The following OR2AG1 variants were observed in gnomAD, a reference collection of about 807,000 sequenced individuals.
The protein encoded by OR2AG1 is olfactory receptor 2AG1.
For missense variants in OR2AG1, 391 were observed against 385.9 expected (o/e 1.01, Z -0.11); for synonymous variants, 157 against 155.6 (o/e 1.01, Z -0.07).
Position 6,785,793 on chromosome 11 carries a change from T to G in OR2AG1, c.756T>G (p.Tyr252Ter), listed in dbSNP as rs1180511169. Reference protein sequence around the residue: ...SSHLTVVGMFYGAATFMYVLP... With the variant: ...SSHLTVVGMF ...ACCTGACTGTGGTTGGGATGTTCTA[T>G]GGAGCTGCCACATTCATGTATGTCT... The change falls in exon 2 of 2, where the codon TAT becomes TAG. Residue 252 changes from tyrosine (Y) to a stop codon, truncating the protein, a stop_gained. Coordinates refer to ENST00000641258, the MANE Select transcript of OR2AG1 (RefSeq NM_001004489.3). LOFTEE classifies it high-confidence loss of function. The G allele has an allele frequency of 6.2e-7, 1 of 1,614,198 alleles. No homozygotes were observed. Among genetic ancestry groups the G allele is most frequent in the Non-Finnish European group, 8.5e-7 (1 of 1,180,014 alleles).
Position 6,789,801 on chromosome 11 carries a change from T to C in OR2AG1, c.*3813T>C, listed in dbSNP as rs1299104342. 4 of 152,266 alleles carry C rather than the reference T, an allele frequency of 2.6e-5. No individual in the cohort carries two copies. Among genetic ancestry groups the C allele is most frequent in the African/African-American group, 9.6e-5 (4 of 41,456 alleles). The allele number at this position is 152,266 out of a possible 1,614,324, so 9.4% of individuals were successfully genotyped here. The stretch of plus-strand genomic sequence containing the variant: ...AAATGGAACCTGTGTACACAATTCA[T>C]GGGAATGTAAAATGGTACAGCCATT... On this transcript the variant is annotated 3_prime_UTR_variant, in exon 2 of 2. Coordinates refer to ENST00000641258, the MANE Select transcript of OR2AG1 (RefSeq NM_001004489.3).
chr11:6,785,971 G>C lies in OR2AG1; in HGVS notation c.934G>C (p.Ala312Pro). The change falls in exon 2 of 2, where the codon GCA becomes CCA. Residue 312 changes from alanine to proline, a missense_variant. Transcript: ENST00000641258. Reference protein sequence around the residue: ...RRVLGKYMLPAHSTL With the variant: ...RRVLGKYMLPPHSTL ...GGTCCTGGGAAAATACATGCTGCCA[G>C]CACACTCCACGCTCTAGGGAAGGAT... 6.2e-7 allele frequency: 1 copy of C among 1,612,782 alleles called. No individual in the cohort carries two copies. Among genetic ancestry groups the C allele is most frequent in the Non-Finnish European group, 8.5e-7 (1 of 1,179,150 alleles).
In OR2AG1 at chr11:6,786,301, G is replaced by C. The variant is rs1847626921; in HGVS notation, c.*313G>C. Reference sequence around the variant, plus strand: ...CCCCTAACCTTCGAAGTTTATATTGGATCAGGGAAAGGAAAAGAACCAGAG... The same window carrying C: ...CCCCTAACCTTCGAAGTTTATATTGCATCAGGGAAAGGAAAAGAACCAGAG... On this transcript the variant is annotated 3_prime_UTR_variant, in exon 2 of 2. Transcript: ENST00000641258. 4.5e-6 allele frequency: 1 copy of C among 220,026 alleles called. No individual in the cohort carries two copies. The highest frequency in any genetic ancestry group is 8.9e-6 in the Non-Finnish European group (1 of 112,306). The allele number at this position is 220,026 out of a possible 1,614,324, so 13.6% of individuals were successfully genotyped here.
rs1847626045 is a variant in OR2AG1 at position 6,786,236 on chromosome 11, G to C, written c.*248G>C. 6 of 399,224 alleles carry C rather than the reference G, an allele frequency of 1.5e-5. No homozygotes were observed. The highest frequency in any genetic ancestry group is 2.0e-5 in the African/African-American group (1 of 49,258). The allele number at this position is 399,224 out of a possible 1,614,324, so 24.7% of individuals were successfully genotyped here. ...TAAAATTTAATCTTTATTTTCCCAG[G>C]AAGGTATTTAGTTAAATGGGTTCCC... is the stretch of plus-strand genomic sequence containing the variant. On this transcript the variant is annotated 3_prime_UTR_variant, in exon 2 of 2. Coordinates refer to ENST00000641258, the MANE Select transcript of OR2AG1 (RefSeq NM_001004489.3).
rs1419193230 is a variant in OR2AG1, at chr11:6,786,049, G to A, written c.*61G>A. On this transcript the variant is annotated 3_prime_UTR_variant, in exon 2 of 2. Coordinates refer to ENST00000641258, the MANE Select transcript of OR2AG1 (RefSeq NM_001004489.3). Reference sequence around the variant, plus strand: ...CTGAGAGTCAAAAGATTCATGTTATGAATCAAATACTAATGGTAAAACCAA... The same window carrying A: ...CTGAGAGTCAAAAGATTCATGTTATAAATCAAATACTAATGGTAAAACCAA... 37 of 1,319,768 alleles carry A rather than the reference G, an allele frequency of 2.8e-5. No homozygotes were observed. Among genetic ancestry groups the A allele is most frequent in the Non-Finnish European group, 3.4e-5 (32 of 942,380 alleles). The allele number at this position is 1,319,768 out of a possible 1,614,324, so 81.8% of individuals were successfully genotyped here. A position where few individuals can be genotyped will look rare whatever the true frequency, so the allele number is the denominator to read the frequency against.
At position 6,789,737 on chromosome 11, in the gene OR2AG1, A is replaced by G. The variant is rs1847669099; in HGVS notation, c.*3749A>G. ...GTTAGTATTATTTTTGAAAACCAAAAAAGTCAAAGCAAAACAAGTGTTGGT... is the reference window on the plus strand; with the variant it reads ...GTTAGTATTATTTTTGAAAACCAAAGAAGTCAAAGCAAAACAAGTGTTGGT... On this transcript the variant is annotated 3_prime_UTR_variant, in exon 2 of 2. Coordinates refer to ENST00000641258, the MANE Select transcript of OR2AG1 (RefSeq NM_001004489.3). The G allele has an allele frequency of 6.5e-6, 1 of 152,728 alleles. No homozygotes were observed. 9.5% of individuals were successfully genotyped at this position (152,728 alleles called of 1,614,324 possible).
rs1008619495 is a variant in OR2AG1 at position 6,790,462 on chromosome 11, G to A, written c.*4474G>A. 6.6e-6 allele frequency: 1 copy of A among 152,104 alleles called. No homozygotes were observed. Among genetic ancestry groups the A allele is most frequent in the Non-Finnish European group, 1.5e-5 (1 of 68,030 alleles). 9.4% of individuals were successfully genotyped at this position (152,104 alleles called of 1,614,324 possible). ...GATTGATATGTTGCTCTGTTAATTA[G>A]CTTGCATGTGGTCATCATTTCACAG... On this transcript the variant is annotated 3_prime_UTR_variant, in exon 2 of 2. Coordinates refer to ENST00000641258, the MANE Select transcript of OR2AG1 (RefSeq NM_001004489.3).
chr11:6,784,020 C>A (rs1191913289), intron 1 of OR2AG1, among the ~76,000 whole-genome samples: 2 of 152,196 alleles, frequency 1.3e-5, no homozygotes, highest in Non-Finnish European at 2.9e-5. Context: ...AGACTCCTGT[C>A]AATCTTAGGC....
Position 6,787,758 on chromosome 11 carries a change from A to G in OR2AG1, c.*1770A>G, listed in dbSNP as rs1305499851. Reference sequence around the variant, plus strand: ...CTCTTGGATGTGTGACTTTTTTTCTATAGAAAATTCCTATGAGTGAAATTA... The same window carrying G: ...CTCTTGGATGTGTGACTTTTTTTCTGTAGAAAATTCCTATGAGTGAAATTA... On this transcript the variant is annotated 3_prime_UTR_variant, in exon 2 of 2. Transcript: ENST00000641258. 2.0e-5 allele frequency: 3 copies of G among 151,784 alleles called. No homozygotes were observed. Among genetic ancestry groups the G allele is most frequent in the Non-Finnish European group, 4.4e-5 (3 of 67,954 alleles). 9.4% of individuals were successfully genotyped at this position (151,784 alleles called of 1,614,324 possible).
In OR2AG1 at chr11:6,790,036, G is replaced by C. The variant is rs1847672655; in HGVS notation, c.*4048G>C. On this transcript the variant is annotated 3_prime_UTR_variant, in exon 2 of 2. Transcript: ENST00000641258. ...CAGACCAATGGATAAAGAAAATGTGGTCTATTTATACAATAGAATATTATT... is the reference window on the plus strand; with the variant it reads ...CAGACCAATGGATAAAGAAAATGTGCTCTATTTATACAATAGAATATTATT... 1 of 152,148 alleles carries C rather than the reference G, an allele frequency of 6.6e-6. No homozygotes were observed. Among genetic ancestry groups the C allele is most frequent in the South Asian group, 2.1e-4 (1 of 4,822 alleles). The allele number at this position is 152,148 out of a possible 1,614,324, so 9.4% of individuals were successfully genotyped here. A position where few individuals can be genotyped will look rare whatever the true frequency, so the allele number is the denominator to read the frequency against.
Position 6,787,968 on chromosome 11 carries a change from C to A in OR2AG1, c.*1980C>A, listed in dbSNP as rs1847645430. 1 of 151,974 alleles carries A rather than the reference C, an allele frequency of 6.6e-6. No homozygotes were observed. The highest frequency in any genetic ancestry group is 2.4e-5 in the African/African-American group (1 of 41,356). 9.4% of individuals were successfully genotyped at this position (151,974 alleles called of 1,614,324 possible). Reference sequence around the variant, plus strand: ...CTAATTGATAAGGTATAAAATTTGCCTATTTTAATTTGCTTAAGTAACTTG... The same window carrying A: ...CTAATTGATAAGGTATAAAATTTGCATATTTTAATTTGCTTAAGTAACTTG... On this transcript the variant is annotated 3_prime_UTR_variant, in exon 2 of 2. Coordinates refer to ENST00000641258, the MANE Select transcript of OR2AG1 (RefSeq NM_001004489.3).
Position 6,785,456 on chromosome 11 carries a change from C to T in OR2AG1, c.419C>T (p.Ala140Val), listed in dbSNP as rs200964888. ...TACATGACCCTCATGAGCTCAAGAG[C>T]CTGCTGGCTCATGGTGGCCACGTCC... Reference protein sequence around the residue: ...LTYMTLMSSRACWLMVATSWI... With the variant: ...LTYMTLMSSRVCWLMVATSWI... The change falls in exon 2 of 2, where the codon GCC becomes GTC. Residue 140 changes from alanine to valine, a missense_variant. By Grantham distance (64) the Ala-to-Val change is moderately conservative (BLOSUM62 0). Coordinates refer to ENST00000641258, the MANE Select transcript of OR2AG1 (RefSeq NM_001004489.3). 4.3e-4 allele frequency: 701 copies of T among 1,614,082 alleles called. 4 individuals carry two copies. The Middle Eastern group carries it at 6.1e-3, about 14-fold the overall frequency.
intron 1 of OR2AG1, among the ~76,000 whole-genome samples, 177 bp from the exon 2 acceptor site, chr11:6,784,841 T>C (rs1157633500): frequency 1.3e-5 from 2 of 152,240 alleles, no homozygotes; most frequent in African/African-American, 2.4e-5. Context: ...GTTCTCCATT[T>C]AGATGGAACT....
Position 6,783,074 on chromosome 11 carries a change from C to T in OR2AG1, c.-418C>T, listed in dbSNP as rs1479452882. On this transcript the variant is annotated 5_prime_UTR_variant, in exon 1 of 2. Coordinates refer to ENST00000641258, the MANE Select transcript of OR2AG1 (RefSeq NM_001004489.3). ...GAAGGAAAGTCTGAGTATCTGAACC[C>T]AAGAACTCAGTCTGGTAACTGCTCT... The T allele has an allele frequency of 6.6e-6, 1 of 152,258 alleles. No individual in the cohort carries two copies. Among genetic ancestry groups the T allele is most frequent in the African/African-American group, 2.4e-5 (1 of 41,444 alleles). The allele number at this position is 152,258 out of a possible 1,614,324, so 9.4% of individuals were successfully genotyped here.
chr11:6,785,406 T>A lies in OR2AG1; in HGVS notation c.369T>A (p.Tyr123Ter), dbSNP rs1368965814. The A allele has an allele frequency of 3.1e-6, 5 of 1,614,072 alleles. No individual in the cohort carries two copies. In the South Asian group the frequency reaches 5.5e-5, roughly 18 times the overall value. ...TGGCCTTCATGGCCTATGACAGGTA[T>A]GTGGCCATTTGTCATCCTCTGACAT... ...LLLAFMAYDR[Y>*]VAICHPLTYM... The change falls in exon 2 of 2, where the codon TAT becomes TAA. Residue 123 changes from tyrosine to a stop codon, truncating the protein, a stop_gained. Transcript: ENST00000641258. LOFTEE classifies it low-confidence loss of function (END_TRUNC).
rs950122796 is a variant in OR2AG1, at chr11:6,791,242, G to A, written c.*5254G>A. The A allele has an allele frequency of 6.6e-6, 1 of 152,176 alleles. No homozygotes were observed. Among genetic ancestry groups the A allele is most frequent in the Non-Finnish European group, 1.5e-5 (1 of 68,040 alleles). The allele number at this position is 152,176 out of a possible 1,614,324, so 9.4% of individuals were successfully genotyped here. The stretch of plus-strand genomic sequence containing the variant: ...CCCACTCCAACCAACCAAAATCTTT[G>A]TTGAAAGGCATATTGTGTATTGTCA... On this transcript the variant is annotated 3_prime_UTR_variant, in exon 2 of 2. Transcript: ENST00000641258.
Position 6,785,433 on chromosome 11 carries a change from C to T in OR2AG1, c.396C>T (p.Tyr132=), listed in dbSNP as rs774129723. Residue 132 remains tyrosine (Y), a synonymous_variant, in exon 2 of 2, where the codon TAC becomes TAT. Transcript: ENST00000641258. Reference sequence around the variant, plus strand: ...TGGCCATTTGTCATCCTCTGACATACATGACCCTCATGAGCTCAAGAGCCT... The same window carrying T: ...TGGCCATTTGTCATCCTCTGACATATATGACCCTCATGAGCTCAAGAGCCT... ...RYVAICHPLT[Y]MTLMSSRACW... 24 of 1,614,156 alleles carry T rather than the reference C, an allele frequency of 1.5e-5. No homozygotes were observed. Among genetic ancestry groups the T allele is most frequent in the Non-Finnish European group, 1.8e-5 (21 of 1,180,026 alleles).
chr11:6,785,738 G>A lies in OR2AG1; in HGVS notation c.701G>A (p.Arg234Lys), dbSNP rs1847620001. Residue 234 changes from arginine to lysine, a missense_variant, in exon 2 of 2, where the codon AGG (arginine) becomes AAG (lysine). Physicochemically the swap from Arg to Lys is conservative, Grantham distance 26 (BLOSUM62 2). Transcript: ENST00000641258. ...CTCCATATGCCATCAAATGAGGGGA[G>A]GAAGAAAGCCCTTGTCACCTGCTCT... is the stretch of plus-strand genomic sequence containing the variant. ...TVLHMPSNEG[R>K]KKALVTCSSH... 1.2e-6 allele frequency: 2 copies of A among 1,614,046 alleles called. No homozygotes were observed.
chr11:6,786,039 T>C lies in OR2AG1; in HGVS notation c.*51T>C, dbSNP rs1847624443. 7.1e-7 allele frequency: 1 copy of C among 1,410,842 alleles called. No individual in the cohort carries two copies. The highest frequency in any genetic ancestry group is 1.4e-5 in the African/African-American group (1 of 70,452). The allele number at this position is 1,410,842 out of a possible 1,614,324, so 87.4% of individuals were successfully genotyped here. On this transcript the variant is annotated 3_prime_UTR_variant, in exon 2 of 2. Coordinates refer to ENST00000641258, the MANE Select transcript of OR2AG1 (RefSeq NM_001004489.3). ...ATTCCTTCTCCTGAGAGTCAAAAGA[T>C]TCATGTTATGAATCAAATACTAATG...
Sources: gnomAD v4.1 joint callset for allele counts (sites outside exome capture counted in the v4.1 genomes callset) on GRCh38, gnomAD v4.1.1 for gene constraint, MANE v1.5 for transcripts, NCBI Gene and HGNC (gene_info 2026-07-23, HGNC 2026-07-21) for gene names.